Variants in MACF1 observed in about 807,000 individuals in gnomAD.
The protein encoded by MACF1 is microtubule-actin cross-linking factor 1.
Under a neutral mutation model 854.8 loss-of-function variants are expected in MACF1, and 193 were observed. The observed-to-expected ratio is 0.23, with a 90% CI of 0.20 to 0.25. MACF1 has a LOEUF of 0.25. MACF1 is among the 10% of genes least tolerant of loss of function. The pLI is 1.00. For missense variants in MACF1, 7,722 were observed against 8,929.1 expected (o/e 0.86, Z 5.45); for synonymous variants, 3,185 against 3,226.7 (o/e 0.99, Z 0.44).
chr1:39,434,570 G>A lies in MACF1; in HGVS notation c.17722G>A (p.Ala5908Thr), dbSNP rs1234687737. Residue 5908 changes from alanine to threonine, a missense_variant, in exon 69 of 101, where the codon GCA becomes ACA. Coordinates refer to ENST00000564288, the MANE Select transcript of MACF1 (RefSeq NM_001394062.1). ...GATTGAGGAAACTCGGGCACTAATA[G>A]CACAGTTACCCTCTCCAGCCATTGA... ...PWIEETRALI[A>T]QLPSPAIDHE... 1 of 1,614,132 alleles carries A rather than the reference G, an allele frequency of 6.2e-7. No individual in the cohort carries two copies. Among genetic ancestry groups the A allele is most frequent in the Non-Finnish European group, 8.5e-7 (1 of 1,180,020 alleles).
chr1:39,232,809 G>A (rs1301033364), intron 2 of MACF1, among the ~76,000 whole-genome samples: 1 of 146,964 alleles, frequency 6.8e-6, no homozygotes, highest in Non-Finnish European at 1.5e-5. Context: ...TTGAGACAGA[G>A]TCTTACCCTG....
intron 99 of MACF1, among the ~76,000 whole-genome samples, chr1:39,482,412 G>A (rs886148724): frequency 3.3e-5 from 5 of 152,116 alleles, no homozygotes; most frequent in African/African-American, 4.8e-5. Context: ...TTGCATAAAC[G>A]TCTTAAAGGT....
At chr1:39,396,235 G>T (rs1054955984) in intron 58 of MACF1, among the ~76,000 whole-genome samples, 1 of 150,704 alleles carries the variant, frequency 6.6e-6, no homozygotes, top group Non-Finnish European at 1.5e-5. Flanking sequence ...CAGGAGAATC[G>T]CTTGAACCCA....
At chr1:39,316,080 A>G (rs1304134714) in intron 27 of MACF1, among the ~76,000 whole-genome samples, 1 of 152,216 alleles carries the variant, frequency 6.6e-6, no homozygotes, top group African/African-American at 2.4e-5. Context: ...ATCTCTACCT[A>G]TGACCTTGAA....
intron 83 of MACF1, 44 bp from the exon 84 acceptor site, chr1:39,448,550 C>T (rs774054481): frequency 1.1e-5 from 15 of 1,423,530 alleles, no homozygotes; most frequent in African/African-American, 5.8e-5. Context: ...ATCAAGATGT[C>T]GTCTGACTTT....
intron 2 of MACF1, among the ~76,000 whole-genome samples, chr1:39,145,214 C>T (rs1643435304): frequency 6.6e-6 from 1 of 152,164 alleles, no homozygotes; most frequent in African/African-American, 2.4e-5. Context: ...GGTTGACTGC[C>T]ATTCATTTTT....
At position 39,324,844 on chromosome 1, in the gene MACF1, A is replaced by G. The variant is rs1279191334; in HGVS notation, c.4478+110A>G. ...TGGAGAATTCAGAGCAGCAAGAGCC[A>G]GATTATGGGGACCCTGTAGTTCATA... On this transcript the variant is annotated intron_variant, in intron 35 of 100. Coordinates refer to ENST00000564288, the MANE Select transcript of MACF1 (RefSeq NM_001394062.1). The G allele has an allele frequency of 5.2e-6, 4 of 768,698 alleles. No individual in the cohort carries two copies. In the East Asian group the frequency reaches 1.0e-4, roughly 19 times the overall value. The allele number at this position is 768,698 out of a possible 1,614,324, so 47.6% of individuals were successfully genotyped here.
chr1:39,134,737 TTAG>T (rs1643120673), intron 2 of MACF1, among the ~76,000 whole-genome samples: 1 of 152,186 alleles, frequency 6.6e-6, no homozygotes, highest in South Asian at 2.1e-4. Flanking sequence ...TTGTTTTTTA[TTAG>T]TAGGAGTCAT....
chr1:39,479,228 T>C (rs1269598788), intron 97 of MACF1, among the ~76,000 whole-genome samples: 1 of 152,210 alleles, frequency 6.6e-6, no homozygotes, highest in Non-Finnish European at 1.5e-5. Context: ...CTTGATCTCT[T>C]TCTCTCTCCC....
At chr1:39,307,965 C>T (rs1426058175) in intron 23 of MACF1, among the ~76,000 whole-genome samples, 4 of 131,500 alleles carry the variant, frequency 3.0e-5, no homozygotes, top group South Asian at 2.4e-4. Flanking sequence ...AGTGCAGTGA[C>T]GCAATCTCGG....
intron 44 of MACF1, among the ~76,000 whole-genome samples, chr1:39,356,976 G>A (rs895931487): frequency 4.6e-5 from 7 of 152,186 alleles, no homozygotes; most frequent in Non-Finnish European, 7.3e-5. Flanking sequence ...GTTCAGAGGG[G>A]ATTAGCATGT....
intron 2 of MACF1, among the ~76,000 whole-genome samples, chr1:39,096,612 A>G (rs1641944115): frequency 6.6e-6 from 1 of 151,380 alleles, no homozygotes; most frequent in Admixed American, 6.6e-5. Flanking sequence ...AAAATCAGAA[A>G]GTTCCCGTAA....
chr1:39,359,393 T>C (rs1647864735), intron 47 of MACF1, 129 bp downstream of exon 47: 1 of 1,046,410 alleles, frequency 9.6e-7, no homozygotes, highest in East Asian at 2.5e-5. Flanking sequence ...TAAACATGAA[T>C]AGACATAGAT....
At position 39,285,277 on chromosome 1, in the gene MACF1, A is replaced by G. The variant is rs1645621310; in HGVS notation, c.1260-20A>G. ...GCTGCTGTGAACCTTGCACATGACT[A>G]TGGTTTTATCTTATTTCAGGCTGGA... On this transcript the variant is annotated intron_variant, in intron 12 of 100. Transcript: ENST00000564288. 4.3e-6 allele frequency: 7 copies of G among 1,614,028 alleles called. No homozygotes were observed. Among genetic ancestry groups the G allele is most frequent in the Admixed American group, 3.3e-5 (2 of 59,988 alleles).
chr1:39,432,615 G>C lies in MACF1; in HGVS notation c.17418G>C (p.Leu5806=). The C allele has an allele frequency of 6.2e-7, 1 of 1,614,024 alleles. No homozygotes were observed. The highest frequency in any genetic ancestry group is 8.5e-7 in the Non-Finnish European group (1 of 1,179,954). Residue 5806 remains leucine, a synonymous_variant, in exon 67 of 101, where the codon CTG becomes CTC. Coordinates refer to ENST00000564288, the MANE Select transcript of MACF1 (RefSeq NM_001394062.1). ...RKLMALGPIR[L]EQDQTTAQLQ... ...TGATGGCTCTGGGTCCAATTCGCCT[G>C]GAACAGGACCAGACCACAGCTCAGC...
intron 2 of MACF1, among the ~76,000 whole-genome samples, chr1:39,149,311 C>T (rs938948811): frequency 1.3e-5 from 2 of 152,040 alleles, no homozygotes; most frequent in African/African-American, 4.8e-5. Flanking sequence ...GTTGGGGGAT[C>T]ACTTGAGGTC....
At chr1:39,360,105 A>G (rs1167658327) in intron 47 of MACF1, among the ~76,000 whole-genome samples, 1 of 144,178 alleles carries the variant, frequency 6.9e-6, no homozygotes, top group Non-Finnish European at 1.5e-5. Flanking sequence ...ACACACACAC[A>G]TATATATCGT....
Position 39,084,262 on chromosome 1 carries a change from G to A in MACF1, c.44G>A (p.Arg15Gln), listed in dbSNP as rs199750582. The A allele has an allele frequency of 3.0e-5, 48 of 1,612,468 alleles. No individual in the cohort carries two copies. Among genetic ancestry groups the A allele is most frequent in the East Asian group, 6.7e-5 (3 of 44,874 alleles). ...GAGACGCTCAGTGAGCGGTCATGTC[G>A]GAGTGAGCGGTCTTGTCGGAGTGAG... Residue 15 changes from arginine to glutamine, a missense_variant, in exon 2 of 94, where the codon CGG (arginine) becomes CAG (glutamine). Coordinates refer to the MACF1 transcript ENST00000361689. This position sits in a 1 kb window ranked among gnomAD's most constrained non-coding sequence, Gnocchi z 5.2.
At chr1:39,405,529 G>C (rs945051257) in intron 58 of MACF1, among the ~76,000 whole-genome samples, 1 of 152,218 alleles carries the variant, frequency 6.6e-6, no homozygotes, top group African/African-American at 2.4e-5. Context: ...GCAGACAAGG[G>C]CAGGATGCCA....
Sources: gnomAD v4.1 joint callset for allele counts (sites outside exome capture counted in the v4.1 genomes callset) on GRCh38, gnomAD v4.1.1 for gene constraint, Gnocchi (gnomAD v3.1) non-coding constraint, MANE v1.5 for transcripts, NCBI Gene and HGNC (gene_info 2026-07-23, HGNC 2026-07-21) for gene names.